The following PAK5 variants were observed in gnomAD, a reference collection of about 807,000 sequenced individuals.
PAK5 encodes the protein p21 (RAC1) activated kinase 5, also known as serine/threonine-protein kinase PAK 5.
A neutral mutation model predicts 65.9 loss-of-function variants in PAK5; 16 were observed. That is an observed-to-expected ratio of 0.24 (90% CI 0.16 to 0.37). The LOEUF is 0.37. Ranked by LOEUF, PAK5 falls within the 10% of genes least tolerant of loss-of-function variation. The probability of loss-of-function intolerance (pLI) is 1.00; values close to 1 mark genes in which losing one functional copy is unlikely to be tolerated. For missense variants in PAK5, 785 were observed against 903.9 expected, an observed-to-expected ratio of 0.87 and a Z score of 1.69; for synonymous variants, 371 against 354.9, an observed-to-expected ratio of 1.05 and a Z score of -0.51.
chr20:9,714,782 C>T (rs1361061891), intron 1 of PAK5, among the ~76,000 whole-genome samples: 1 of 152,016 alleles, frequency 6.6e-6, no homozygotes, highest in Non-Finnish European at 1.5e-5. Context: ...CTTACAAAAA[C>T]AAGAAATGGG....
At chr20:9,557,223 C>T (rs2045521191) in intron 7 of PAK5, among the ~76,000 whole-genome samples, 1 of 152,162 alleles carries the variant, frequency 6.6e-6, no homozygotes, top group Non-Finnish European at 1.5e-5. Context: ...AGTTGATCAT[C>T]TGTTACCTGC....
intron 1 of PAK5, among the ~76,000 whole-genome samples, chr20:9,783,519 A>G (rs2048963549): frequency 6.6e-6 from 1 of 152,114 alleles, no homozygotes; most frequent in Non-Finnish European, 1.5e-5. Context: ...AACTCTAAGA[A>G]CTTCTCTATC....
chr20:9,689,002 T>C (rs941305450), intron 2 of PAK5, among the ~76,000 whole-genome samples: 8 of 152,122 alleles, frequency 5.3e-5, no homozygotes, highest in African/African-American at 1.9e-4. Flanking sequence ...TAAATGAGCA[T>C]CCTGAATCAT....
intron 1 of PAK5, among the ~76,000 whole-genome samples, chr20:9,733,159 T>C (rs926542748): frequency 2.0e-5 from 3 of 152,170 alleles, no homozygotes; most frequent in African/African-American, 4.8e-5. Flanking sequence ...CTCACAGAAG[T>C]AATAGTTTAG....
intron 2 of PAK5, among the ~76,000 whole-genome samples, chr20:9,675,147 A>G (rs765178075): frequency 2.0e-5 from 3 of 152,228 alleles, no homozygotes; most frequent in Non-Finnish European, 2.9e-5. Context: ...TTGCAAGGCT[A>G]TGGAGATCCT....
chr20:9,784,913 G>T (rs2048977044), intron 1 of PAK5, among the ~76,000 whole-genome samples: 1 of 152,064 alleles, frequency 6.6e-6, no homozygotes, highest in Non-Finnish European at 1.5e-5. Flanking sequence ...GGTGGATAAA[G>T]TGTGTATCAA....
rs767455314 is a variant in PAK5 at position 9,580,251 on chromosome 20, G to A, written c.884C>T (p.Pro295Leu). ...TGCACTTGCTCCAAATGGCATCATC[G>A]GTTCCTGGAGTCCCGAGCCTGACCT... The part of the protein sequence containing the change: ...RSRSGSGLQE[P>L]MMPFGASAFK... Residue 295 changes from proline (P) to leucine (L), a missense_variant, in exon 4 of 10, where the codon CCG becomes CTG. Transcript: ENST00000353224. The A allele has an allele frequency of 2.5e-6, 4 of 1,613,972 alleles. No individual in the cohort carries two copies. The highest frequency in any genetic ancestry group is 1.3e-5 in the African/African-American group (1 of 74,890).
At chr20:9,554,500 C>G (rs906675783) in intron 7 of PAK5, among the ~76,000 whole-genome samples, 2 of 152,170 alleles carry the variant, frequency 1.3e-5, no homozygotes, top group African/African-American at 4.8e-5. Flanking sequence ...CAGGCATTAT[C>G]TAACCACAAG....
intron 3 of PAK5, among the ~76,000 whole-genome samples, chr20:9,597,009 T>C (rs1021368105): frequency 6.6e-6 from 1 of 152,218 alleles, no homozygotes; most frequent in African/African-American, 2.4e-5. Flanking sequence ...TCTCAAAGAA[T>C]AGATTGTGTT....
At chr20:9,682,913 T>C (rs1481307151) in intron 2 of PAK5, among the ~76,000 whole-genome samples, 1 of 152,228 alleles carries the variant, frequency 6.6e-6, no homozygotes, top group East Asian at 1.9e-4. Context: ...CTCTAGAAGG[T>C]AGCTTTATAT....
At chr20:9,836,172 T>C (rs1003287808) in intron 1 of PAK5, among the ~76,000 whole-genome samples, 3 of 98,582 alleles carry the variant, frequency 3.0e-5, no homozygotes, top group African/African-American at 5.3e-5. Flanking sequence ...TGCTACTCTA[T>C]CTTTACCTCT....
intron 1 of PAK5, among the ~76,000 whole-genome samples, chr20:9,784,181 G>A (rs2048969761): frequency 6.6e-6 from 1 of 152,150 alleles, no homozygotes; most frequent in African/African-American, 2.4e-5. Context: ...TTGATGCTCT[G>A]TTTGTACTTC....
chr20:9,663,982 T>C (rs1220375624), intron 2 of PAK5, among the ~76,000 whole-genome samples: 1 of 152,166 alleles, frequency 6.6e-6, no homozygotes, highest in East Asian at 1.9e-4. Flanking sequence ...AAAGAACCAT[T>C]TGGAAAAGTT....
At position 9,722,567 on chromosome 20, in the gene PAK5, G is replaced by A. The variant is rs1028016571; in HGVS notation, c.-161-11132C>T. 1.4e-4 allele frequency among the ~76,000 whole-genome samples: 21 copies of A among 151,922 alleles called. 1 individual carries two copies. The highest frequency in any genetic ancestry group is 4.3e-4 in the African/African-American group (18 of 41,460). Reference sequence around the variant, plus strand: ...GCGGAGCTTGCAGTGAGCCGCGATCGCGCCACTGCACTCCAGCCTGGGGGG... The same window carrying A: ...GCGGAGCTTGCAGTGAGCCGCGATCACGCCACTGCACTCCAGCCTGGGGGG... On this transcript the variant is annotated intron_variant, in intron 1 of 9. Coordinates refer to ENST00000353224, the MANE Select transcript of PAK5 (RefSeq NM_177990.4).
At chr20:9,581,577 T>C (rs1418538697) in intron 3 of PAK5, among the ~76,000 whole-genome samples, 2 of 152,234 alleles carry the variant, frequency 1.3e-5, no homozygotes, top group East Asian at 3.8e-4. Flanking sequence ...TTATTAAGTA[T>C]ATATACTTAT....
intron 2 of PAK5, among the ~76,000 whole-genome samples, chr20:9,649,623 A>G (rs1284257670): frequency 1.3e-5 from 2 of 152,186 alleles, no homozygotes; most frequent in South Asian, 2.1e-4. Flanking sequence ...ACATGCAGGC[A>G]TCTCCCAATT....
intron 2 of PAK5, among the ~76,000 whole-genome samples, chr20:9,662,324 C>A (rs2047357525): frequency 6.6e-6 from 1 of 152,028 alleles, no homozygotes; most frequent in Non-Finnish European, 1.5e-5. Context: ...AGAAGACTAC[C>A]TAAAATGTCA....
chr20:9,657,397 T>C (rs1342444973), intron 2 of PAK5, among the ~76,000 whole-genome samples: 12 of 152,116 alleles, frequency 7.9e-5, no homozygotes, highest in Admixed American at 6.6e-4. Flanking sequence ...CACTCACTCA[T>C]TGAGGGATAG....
At chr20:9,796,465 T>C (rs1049440368) in intron 1 of PAK5, among the ~76,000 whole-genome samples, 2 of 152,132 alleles carry the variant, frequency 1.3e-5, no homozygotes, top group Non-Finnish European at 1.5e-5. Flanking sequence ...ATGGCTATTG[T>C]ATATAGCATG....
Sources: allele counts gnomAD v4.1 joint callset (sites outside exome capture counted in the v4.1 genomes callset), GRCh38; gene constraint gnomAD v4.1.1; transcripts MANE v1.5; gene names NCBI Gene and HGNC (gene_info 2026-07-23, HGNC 2026-07-21).